RNF144A: variants seen among roughly 807,000 people sequenced by gnomAD.
RNF144A encodes the protein E3 ubiquitin-protein ligase RNF144A.
In RNF144A, 11 loss-of-function variants were observed where a neutral mutation model predicts 38.7. The ratio of observed to expected loss-of-function variants is 0.28; its 90% CI spans 0.18 to 0.47. The LOEUF is 0.47. Among genes scored for constraint, RNF144A ranks in the 20% least tolerant of loss-of-function variants. The probability of loss-of-function intolerance (pLI) is 0.99; values close to 1 mark genes in which losing one functional copy is unlikely to be tolerated. For missense variants in RNF144A, 316 were observed against 377.2 expected (o/e 0.84, Z 1.34); for synonymous variants, 149 against 143.9 (o/e 1.04, Z -0.25).
chr2:7,014,653 G>C, intron 4 of RNF144A, 59 bp from the exon 5 acceptor site: 2 of 1,544,012 alleles, frequency 1.3e-6, no homozygotes, highest in South Asian at 2.2e-5. Flanking sequence ...GGTGTGCGTT[G>C]CATTATATTC....
intron 2 of RNF144A, among the ~76,000 whole-genome samples, chr2:6,976,762 C>T (rs957961568): frequency 6.6e-6 from 1 of 151,704 alleles, no homozygotes; most frequent in Non-Finnish European, 1.5e-5. Context: ...ACTACCCTTT[C>T]CTTTGTCTGT....
At chr2:7,056,925 C>T (rs1028991933) in intron 6 of RNF144A, among the ~76,000 whole-genome samples, 7 of 152,226 alleles carry the variant, frequency 4.6e-5, no homozygotes, top group African/African-American at 1.7e-4. Context: ...AACAGCATTT[C>T]AGCCCCTCAC....
chr2:7,049,230 CAG>C (rs1225330136), intron 6 of RNF144A, among the ~76,000 whole-genome samples: 3 of 152,258 alleles, frequency 2.0e-5, no homozygotes, highest in Non-Finnish European at 4.4e-5. Flanking sequence ...GGATGAGAAA[CAG>C]AGATATGAAG....
intron 1 of RNF144A, among the ~76,000 whole-genome samples, chr2:6,920,538 TCA>T (rs1305775388): frequency 6.6e-6 from 1 of 152,186 alleles, no homozygotes; most frequent in African/African-American, 2.4e-5. Context: ...TATTGAGCCC[TCA>T]GACTCTCTTA....
chr2:6,955,226 GT>G (rs1166506229), intron 2 of RNF144A, among the ~76,000 whole-genome samples: 10 of 152,184 alleles, frequency 6.6e-5, no homozygotes. Flanking sequence ...TTGGGGAGTA[GT>G]TTTGTGGTAA....
At chr2:6,971,482 T>C (rs1266854954) in intron 2 of RNF144A, among the ~76,000 whole-genome samples, 1 of 152,208 alleles carries the variant, frequency 6.6e-6, no homozygotes, top group Non-Finnish European at 1.5e-5. Context: ...GAATAACAAA[T>C]TGCATTTTGA....
chr2:7,013,393 C>T (rs114400637), intron 3 of RNF144A, among the ~76,000 whole-genome samples: 2,959 of 152,272 alleles, frequency 0.019, 46 homozygotes, highest in Non-Finnish European at 0.025. Flanking sequence ...ATGGATTATA[C>T]GTTTTTGCGG....
chr2:6,982,979 C>T (rs776952580), intron 2 of RNF144A, among the ~76,000 whole-genome samples: 1 of 152,206 alleles, frequency 6.6e-6, no homozygotes. Flanking sequence ...TGAGCTCTGG[C>T]TGTACCTAAA....
chr2:6,933,857 A>G (rs1243192958), intron 1 of RNF144A, among the ~76,000 whole-genome samples: 1 of 152,196 alleles, frequency 6.6e-6, no homozygotes, highest in Admixed American at 6.5e-5. Flanking sequence ...TTCTTCAGTC[A>G]TATAGCTGTA....
chr2:7,024,463 A>G lies in RNF144A; in HGVS notation c.604A>G (p.Met202Val), dbSNP rs1306460569. The change falls in exon 7 of 9, where the codon ATG (methionine) becomes GTG (valine). Residue 202 changes from methionine (M) to valine (V), a missense_variant. Coordinates refer to ENST00000320892, the MANE Select transcript of RNF144A (RefSeq NM_014746.6). ...GCGAGACGAAGGCTGCGCGCAGATG[A>G]TGTGCAAGAACTGCAAGCACGCCTT... Reference protein sequence around the residue: ...IERDEGCAQMMCKNCKHAFCW... With the variant: ...IERDEGCAQMVCKNCKHAFCW... 2 of 1,612,604 alleles carry G rather than the reference A, an allele frequency of 1.2e-6. No individual in the cohort carries two copies.
In RNF144A at chr2:7,044,089, A is replaced by G. The variant is rs560060905; in HGVS notation, c.*4329A>G. 1 of 984,174 alleles carries G rather than the reference A, an allele frequency of 1.0e-6. No homozygotes were observed. The highest frequency in any genetic ancestry group is 4.7e-5 in the South Asian group (1 of 21,256). The allele number at this position is 984,174 out of a possible 1,614,324, so 61.0% of individuals were successfully genotyped here. A position where few individuals can be genotyped will look rare whatever the true frequency, so the allele number is the denominator to read the frequency against. ...ATTTGTAATTTCAATACATATTTTA[A>G]ATGTATTGTGTCTTACGTAGTTTGT... On this transcript the variant is annotated 3_prime_UTR_variant, in exon 9 of 9. Transcript: ENST00000320892.
At chr2:6,981,645 G>T (rs953537070) in intron 2 of RNF144A, among the ~76,000 whole-genome samples, 4 of 152,102 alleles carry the variant, frequency 2.6e-5, no homozygotes, top group African/African-American at 4.8e-5. Context: ...CAGCATGTTG[G>T]TCAAAACCAT....
At chr2:6,932,957 T>A (rs180726121) in intron 1 of RNF144A, 2 of 152,296 alleles carry the variant, frequency 1.3e-5, no homozygotes, top group Non-Finnish European at 2.9e-5. Flanking sequence ...TACAGACTAT[T>A]AGTATACGAT....
chr2:7,043,808 T>C lies in RNF144A; in HGVS notation c.*4048T>C. The C allele has an allele frequency of 1.0e-6, 1 of 985,904 alleles. No homozygotes were observed. Among genetic ancestry groups the C allele is most frequent in the Non-Finnish European group, 1.2e-6 (1 of 829,946 alleles). 61.1% of individuals were successfully genotyped at this position (985,904 alleles called of 1,614,324 possible). On this transcript the variant is annotated 3_prime_UTR_variant, in exon 9 of 9. Transcript: ENST00000320892. ...GAGGGGTAGCTACATGCCCCATGCC[T>C]GCCCTTTCTTTCCTTCTTTGCTCAC...
chr2:7,057,766 A>G (rs558834490), intron 6 of RNF144A, among the ~76,000 whole-genome samples: 1 of 152,236 alleles, frequency 6.6e-6, no homozygotes, highest in African/African-American at 2.4e-5. Flanking sequence ...CCATACCATC[A>G]TCATAATTGC....
intron 8 of RNF144A, among the ~76,000 whole-genome samples, chr2:7,030,832 G>A (rs570919716): frequency 1.2e-4 from 19 of 152,120 alleles, no homozygotes; most frequent in African/African-American, 4.6e-4. Flanking sequence ...TGTAGAATCA[G>A]TGGGAGCCCT....
At chr2:7,009,464 A>G (rs942849774) in intron 3 of RNF144A, among the ~76,000 whole-genome samples, 1 of 152,006 alleles carries the variant, frequency 6.6e-6, no homozygotes, top group African/African-American at 2.4e-5. Flanking sequence ...GGCGGGTCTA[A>G]AGGCTCGACA....
chr2:6,922,903 C>G (rs979871038), intron 1 of RNF144A, among the ~76,000 whole-genome samples: 3 of 152,152 alleles, frequency 2.0e-5, no homozygotes, highest in South Asian at 2.1e-4. Context: ...GGATTACAGG[C>G]GTGAGCCACC....
At chr2:7,047,753 G>T (rs988038685), downstream of RNF144A, among the ~76,000 whole-genome samples, 6 of 152,230 alleles carry the variant, frequency 3.9e-5, no homozygotes, top group Non-Finnish European at 7.3e-5. Context: ...AATCCCTATT[G>T]TGAGCTGAGA....
Sources: gnomAD v4.1 joint callset for allele counts (sites outside exome capture counted in the v4.1 genomes callset) on GRCh38, gnomAD v4.1.1 for gene constraint, MANE v1.5 for transcripts, NCBI Gene and HGNC (gene_info 2026-07-23, HGNC 2026-07-21) for gene names.